The following NBN variants were observed in gnomAD, a reference collection of about 807,000 sequenced individuals.
The protein encoded by NBN is nibrin.
In NBN, 88 loss-of-function variants were observed where a neutral mutation model predicts 90.8. The observed-to-expected ratio is 0.97, with a 90% CI of 0.82 to 1.16. NBN has a LOEUF of 1.16. NBN is among the 50% of genes most tolerant of loss of function. The pLI is 0.00. For synonymous variants in NBN, 328 were observed against 295.1 expected (o/e 1.11, Z -1.14); for missense variants, 894 against 869.6 (o/e 1.03, Z -0.35).
At chr8:89,938,790 C>A (rs1018657916) in intron 14 of NBN, among the ~76,000 whole-genome samples, 1 of 151,974 alleles carries the variant, frequency 6.6e-6, no homozygotes, top group African/African-American at 2.4e-5. Flanking sequence ...TTCATATTTT[C>A]TAATAGGGAT....
chr8:89,969,718 G>A (rs572708913), intron 7 of NBN, among the ~76,000 whole-genome samples: 3 of 152,270 alleles, frequency 2.0e-5, no homozygotes, highest in South Asian at 2.1e-4. Context: ...TTGGGAGGCC[G>A]AGGTGGGTGG....
intron 12 of NBN, chr8:89,946,526 C>G (rs1421592746): frequency 2.2e-6 from 1 of 461,948 alleles, no homozygotes; most frequent in Non-Finnish European, 3.9e-6. Flanking sequence ...ACATACTCAT[C>G]TGTGACAGAA....
Position 89,934,444 on chromosome 8 carries a change from GTTC to G in NBN, c.*1135_*1137del, listed in dbSNP as rs1256551405. 2 of 233,138 alleles carry G rather than the reference GTTC, an allele frequency of 8.6e-6. No individual in the cohort carries two copies. The highest frequency in any genetic ancestry group is 1.7e-5 in the Non-Finnish European group (2 of 117,966). 14.4% of individuals were successfully genotyped at this position (233,138 alleles called of 1,614,324 possible). A position where few individuals can be genotyped will look rare whatever the true frequency, so the allele number is the denominator to read the frequency against. On this transcript the variant is annotated 3_prime_UTR_variant, in exon 16 of 16. Coordinates refer to ENST00000265433, the MANE Select transcript of NBN (RefSeq NM_002485.5). ...TTTCCCTAACTCCCTTGCAGCTGGA[GTTC>G]CACCTGCAAGCAGCCAGAACTTGGA... is the stretch of plus-strand genomic sequence containing the variant.
intron 7 of NBN, among the ~76,000 whole-genome samples, chr8:89,965,739 C>T (rs1811224375): frequency 6.6e-6 from 1 of 152,132 alleles, no homozygotes; most frequent in Admixed American, 6.5e-5. Context: ...ATCCACCCTC[C>T]TCGGCCTCCC....
chr8:89,962,053 T>C (rs1177892893), intron 8 of NBN, among the ~76,000 whole-genome samples: 1 of 152,200 alleles, frequency 6.6e-6, no homozygotes, highest in Non-Finnish European at 1.5e-5. Flanking sequence ...GAGTGCTTCT[T>C]CTTTTTATAT....
chr8:89,957,884 A>G (rs1810802293), intron 9 of NBN, among the ~76,000 whole-genome samples: 1 of 152,152 alleles, frequency 6.6e-6, no homozygotes, highest in Non-Finnish European at 1.5e-5. Context: ...ATGGTTTTGG[A>G]TAATTCAAGC....
chr8:89,956,698 T>A lies in NBN; in HGVS notation c.1125-1143A>T, dbSNP rs562746594. On this transcript the variant is annotated intron_variant, in intron 9 of 15. Coordinates refer to ENST00000265433, the MANE Select transcript of NBN (RefSeq NM_002485.5). ...ACATTTGCAAGGAATAAAAAAACTA[T>A]CCTAAGACAGGAGTTGCCAAACTAC... 7.2e-5 allele frequency among the ~76,000 whole-genome samples: 11 copies of A among 152,294 alleles called. No individual in the cohort carries two copies. In the East Asian group the frequency reaches 2.1e-3, roughly 29 times the overall value.
chr8:89,954,487 G>A (rs984577786), intron 10 of NBN, among the ~76,000 whole-genome samples: 1 of 151,644 alleles, frequency 6.6e-6, no homozygotes, highest in African/African-American at 2.4e-5. Flanking sequence ...CTGATTTCAG[G>A]AGCCAGAGGA....
intron 7 of NBN, among the ~76,000 whole-genome samples, chr8:89,969,792 A>C (rs570739627): frequency 3.3e-5 from 5 of 152,022 alleles, no homozygotes; most frequent in Non-Finnish European, 7.4e-5. Flanking sequence ...TCTCTACTAA[A>C]AATACAAAAA....
chr8:89,965,610 T>A (rs1811217548), intron 7 of NBN, among the ~76,000 whole-genome samples: 1 of 151,920 alleles, frequency 6.6e-6, no homozygotes, highest in South Asian at 2.1e-4. Flanking sequence ...TGCCCTGAGC[T>A]TCCCAAGTAG....
chr8:89,978,026 T>C (rs985763418), intron 5 of NBN, among the ~76,000 whole-genome samples, 194 bp downstream of exon 5: 1 of 152,186 alleles, frequency 6.6e-6, no homozygotes, highest in Non-Finnish European at 1.5e-5. Context: ...GTTTCAGAGA[T>C]ACAGAATAAC....
At position 89,980,724 on chromosome 8, in the gene NBN, T is replaced by C. The variant is rs878854512; in HGVS notation, c.480+10A>G. On this transcript the variant is annotated intron_variant, in intron 4 of 15. Transcript: ENST00000265433. ...TTATTTTTAACATAAGAACAAGACA[T>C]TCAACCTACTTTAATGGTAACTTTC... 1.9e-6 allele frequency: 3 copies of C among 1,604,402 alleles called. No individual in the cohort carries two copies. The highest frequency in any genetic ancestry group is 2.6e-6 in the Non-Finnish European group (3 of 1,171,482).
chr8:89,952,485 T>C (rs1365489910), intron 11 of NBN, among the ~76,000 whole-genome samples: 3 of 152,184 alleles, frequency 2.0e-5, no homozygotes, highest in Non-Finnish European at 2.9e-5. Context: ...TTTTGAATAG[T>C]AGTTGTAGAT....
In NBN at chr8:89,953,594, A is replaced by G. The variant is rs1554558483; in HGVS notation, c.1495T>C (p.Ser499Pro). 6.2e-7 allele frequency: 1 copy of G among 1,613,608 alleles called. No individual in the cohort carries two copies. Among genetic ancestry groups the G allele is most frequent in the Non-Finnish European group, 8.5e-7 (1 of 1,179,720 alleles). ...TGCTGCTCCTTATTTTTCCACAATG[A>G]GGGTGTAGCAGGTTGTGTTTGTTCT... is the stretch of plus-strand genomic sequence containing the variant. ...LLEQTQPATP[S>P]LWKNKEQHLS... Residue 499 changes from serine (S) to proline (P), a missense_variant, in exon 11 of 16, where the codon TCA becomes CCA. Ser to Pro is a moderately conservative substitution (Grantham distance 74). Transcript: ENST00000265433.
At chr8:89,981,711 G>A (rs1018547277) in intron 2 of NBN, 188 bp from the exon 3 acceptor site, 30 of 652,684 alleles carry the variant, frequency 4.6e-5, no homozygotes, top group Non-Finnish European at 7.4e-5. Context: ...CCTTAGGGAA[G>A]TTTCTTAACC....
chr8:89,944,010 A>G (rs1281962045), intron 13 of NBN, among the ~76,000 whole-genome samples: 1 of 152,248 alleles, frequency 6.6e-6, no homozygotes, highest in African/African-American at 2.4e-5. Context: ...TATGAAGTAG[A>G]AAGAGAATTT....
intron 4 of NBN, among the ~76,000 whole-genome samples, chr8:89,979,754 G>T (rs2129901578): frequency 6.6e-6 from 1 of 152,242 alleles, no homozygotes; most frequent in South Asian, 2.1e-4. Context: ...TGTGTGTAAT[G>T]GAGCAATTCA....
intron 7 of NBN, among the ~76,000 whole-genome samples, chr8:89,970,015 G>C (rs1262385057): frequency 6.6e-6 from 1 of 151,798 alleles, no homozygotes. Flanking sequence ...TTGGGAGACT[G>C]AGGCAGGAGG....
intron 1 of NBN, among the ~76,000 whole-genome samples, chr8:89,983,269 C>T (rs1475317297): frequency 6.6e-6 from 1 of 151,806 alleles, no homozygotes; most frequent in East Asian, 1.9e-4. Context: ...ACTTGATAAA[C>T]AAAAATATCA....
Sources: gnomAD v4.1 joint callset for allele counts (sites outside exome capture counted in the v4.1 genomes callset) on GRCh38, gnomAD v4.1.1 for gene constraint, MANE v1.5 for transcripts, NCBI Gene and HGNC (gene_info 2026-07-23, HGNC 2026-07-21) for gene names.